The following FAM184A variants were observed in gnomAD, a reference collection of about 807,000 sequenced individuals.
FAM184A encodes protein FAM184A.
In FAM184A, 99 loss-of-function variants were observed where a neutral mutation model predicts 143.8. The observed-to-expected ratio is 0.69, with a 90% CI of 0.58 to 0.81. FAM184A has a LOEUF of 0.81. Among genes scored for constraint, FAM184A ranks in the 40% least tolerant of loss-of-function variants. FAM184A has a pLI of 0.00. For missense variants in FAM184A, 1,217 were observed against 1,310.5 expected (o/e 0.93, Z 1.10); for synonymous variants, 427 against 446.4 (o/e 0.96, Z 0.55).
At chr6:119,119,397 G>C (rs1789149275) in intron 1 of FAM184A, among the ~76,000 whole-genome samples, 2 of 152,102 alleles carry the variant, frequency 1.3e-5, no homozygotes, top group African/African-American at 4.8e-5. Flanking sequence ...AGAAACTACC[G>C]ACATGTGAAG....
rs976605978 is a variant in FAM184A at position 119,016,955 on chromosome 6, A to G, written c.1333-11T>C. On this transcript the variant is annotated splice_polypyrimidine_tract_variant and intron_variant, in intron 4 of 17. Coordinates refer to ENST00000338891, the MANE Select transcript of FAM184A (RefSeq NM_024581.6). The stretch of plus-strand genomic sequence containing the variant: ...TGCTTCATTTACTTTCTAAAATTAA[A>G]ACAAAGATCAATAATCGGCACCTGC... 7.0e-6 allele frequency: 11 copies of G among 1,577,138 alleles called. No individual in the cohort carries two copies. Among genetic ancestry groups the G allele is most frequent in the Non-Finnish European group, 9.5e-6 (11 of 1,155,464 alleles).
At chr6:119,085,314 G>A (rs1023007931) in intron 1 of FAM184A, among the ~76,000 whole-genome samples, 16 of 152,248 alleles carry the variant, frequency 1.1e-4, no homozygotes, top group Admixed American at 2.0e-4. Context: ...TTTCTTCTGC[G>A]AGATACCCTA....
chr6:119,105,294 A>G (rs2114840271), intron 1 of FAM184A, among the ~76,000 whole-genome samples: 1 of 152,258 alleles, frequency 6.6e-6, no homozygotes, highest in African/African-American at 2.4e-5. Flanking sequence ...TTGAATTGTA[A>G]TCCCCACGTG....
At chr6:118,967,147 A>G (rs544036747) in intron 14 of FAM184A, among the ~76,000 whole-genome samples, 195 bp from the exon 15 acceptor site, 1 of 152,198 alleles carries the variant, frequency 6.6e-6, no homozygotes, top group Non-Finnish European at 1.5e-5. Context: ...AAAGGGGTAG[A>G]TGGTACTATG....
At chr6:118,989,054 C>T (rs1232382389) in intron 9 of FAM184A, among the ~76,000 whole-genome samples, 2 of 151,444 alleles carry the variant, frequency 1.3e-5, no homozygotes, top group East Asian at 1.9e-4. Flanking sequence ...CTCCGCCTCC[C>T]GGGTTCAAGT....
chr6:118,969,132 CCTT>C (rs1037218592), intron 14 of FAM184A, among the ~76,000 whole-genome samples: 3 of 152,218 alleles, frequency 2.0e-5, no homozygotes, highest in African/African-American at 7.2e-5. Context: ...CTTGCTTGGC[CCTT>C]CTTCTTCCTG....
chr6:119,102,795 AAAAAAAAAAAAAGAAAAG>A, intron 1 of FAM184A, among the ~76,000 whole-genome samples: 1 of 149,804 alleles, frequency 6.7e-6, no homozygotes, highest in Non-Finnish European at 1.5e-5. Flanking sequence ...AAAAAAAAAA[AAAAAAAAAAAAAGAAAAG>A]AAAAAAGAAA....
intron 1 of FAM184A, among the ~76,000 whole-genome samples, chr6:119,043,263 C>G (rs1786411453): frequency 6.6e-6 from 1 of 152,132 alleles, no homozygotes; most frequent in African/African-American, 2.4e-5. Flanking sequence ...ACAGACAGGA[C>G]ACAGGCATTG....
At chr6:119,028,936 T>G (rs1785767151) in intron 1 of FAM184A, among the ~76,000 whole-genome samples, 1 of 152,206 alleles carries the variant, frequency 6.6e-6, no homozygotes, top group Admixed American at 6.5e-5. Context: ...GAGAACTGGT[T>G]GTTGGGAGAG....
chr6:119,136,001 G>T (rs369833806), intron 1 of FAM184A, among the ~76,000 whole-genome samples: 1 of 150,832 alleles, frequency 6.6e-6, no homozygotes, highest in Non-Finnish European at 1.5e-5. Flanking sequence ...TTTCCAGGCC[G>T]GGCGCGGTGG....
At position 119,055,099 on chromosome 6, in the gene FAM184A, C is replaced by T. The variant is rs1383711450; in HGVS notation, c.159+23042G>A. Reference sequence around the variant, plus strand: ...TCAACTACTACTCTACTTTCTGTCTCTATGGATTTGCCTATTCTGGACACT... The same window carrying T: ...TCAACTACTACTCTACTTTCTGTCTTTATGGATTTGCCTATTCTGGACACT... On this transcript the variant is annotated intron_variant, in intron 1 of 17. Coordinates refer to ENST00000338891, the MANE Select transcript of FAM184A (RefSeq NM_024581.6). Among the ~76,000 whole-genome samples, 3 of 152,252 alleles carry T rather than the reference C, an allele frequency of 2.0e-5. No homozygotes were observed. The East Asian group carries it at 5.8e-4, about 29-fold the overall frequency.
intron 1 of FAM184A, among the ~76,000 whole-genome samples, chr6:119,066,769 G>A (rs1307943585): frequency 6.6e-6 from 1 of 152,140 alleles, no homozygotes; most frequent in Non-Finnish European, 1.5e-5. Context: ...TAATTACTAG[G>A]GGGTTGAAAC....
intron 1 of FAM184A, among the ~76,000 whole-genome samples, chr6:119,075,609 AG>A (rs1292264800): frequency 1.3e-5 from 2 of 152,230 alleles, no homozygotes; most frequent in Non-Finnish European, 2.9e-5. Context: ...TCTTTCCAAA[AG>A]AAATAAAATC....
intron 1 of FAM184A, among the ~76,000 whole-genome samples, chr6:119,114,856 C>T (rs974752085): frequency 2.0e-5 from 3 of 151,780 alleles, no homozygotes; most frequent in Non-Finnish European, 4.4e-5. Flanking sequence ...CTGTGCCTAG[C>T]GTTTATTTTG....
intron 1 of FAM184A, among the ~76,000 whole-genome samples, chr6:119,054,807 T>C (rs772437917): frequency 1.1e-4 from 17 of 152,212 alleles, no homozygotes; most frequent in Non-Finnish European, 1.9e-4. Flanking sequence ...TCTTGCCTTA[T>C]AGGTCCTATA....
At chr6:118,965,201 G>GTT (rs1304097783) in intron 15 of FAM184A, among the ~76,000 whole-genome samples, 40 of 41,804 alleles carry the variant, frequency 9.6e-4, no homozygotes, top group Middle Eastern at 0.024. Context: ...AGTTTTTTTT[G>GTT]TTTGTTTTTT....
At chr6:119,015,596 T>C (rs1785219600) in intron 5 of FAM184A, among the ~76,000 whole-genome samples, 1 of 152,212 alleles carries the variant, frequency 6.6e-6, no homozygotes, top group Admixed American at 6.5e-5. Context: ...CCGCCATGCC[T>C]GAGCCTTCCC....
intron 1 of FAM184A, among the ~76,000 whole-genome samples, chr6:119,041,547 C>G (rs1786333694): frequency 6.6e-6 from 1 of 152,222 alleles, no homozygotes; most frequent in African/African-American, 2.4e-5. Context: ...AACCGCTACC[C>G]TCTTTGGGTC....
chr6:119,060,478 A>C (rs1377433390), intron 1 of FAM184A, among the ~76,000 whole-genome samples: 1 of 152,244 alleles, frequency 6.6e-6, no homozygotes, highest in Non-Finnish European at 1.5e-5. Flanking sequence ...ACAGGGAGAA[A>C]ATGAAGAGGC....
Sources: allele counts gnomAD v4.1 joint callset (sites outside exome capture counted in the v4.1 genomes callset), GRCh38; gene constraint gnomAD v4.1.1; transcripts MANE v1.5; gene names NCBI Gene and HGNC (gene_info 2026-07-23, HGNC 2026-07-21).